USP53: variants seen among roughly 807,000 people sequenced by gnomAD.
USP53 encodes ubiquitin specific peptidase 53.
A neutral mutation model predicts 94.9 loss-of-function variants in USP53; 71 were observed. That is an observed-to-expected ratio of 0.75 (90% CI 0.62 to 0.91). USP53 has a LOEUF of 0.91. Ranked by LOEUF, USP53 falls within the 40% of genes least tolerant of loss-of-function variation. The pLI, the probability that USP53 is intolerant of heterozygous loss-of-function variation, is 0.00. For missense variants in USP53, 1,173 were observed against 1,281.0 expected, an observed-to-expected ratio of 0.92 and a Z score of 1.29; for synonymous variants, 375 against 422.7, an observed-to-expected ratio of 0.89 and a Z score of 1.39.
intron 3 of USP53, among the ~76,000 whole-genome samples, chr4:119,233,347 C>T (rs915386601): frequency 6.6e-6 from 1 of 151,894 alleles, no homozygotes; most frequent in East Asian, 1.9e-4. Context: ...TTTTTTCCTA[C>T]ATCATGTTTG....
intron 2 of USP53, among the ~76,000 whole-genome samples, chr4:119,215,739 T>G (rs1236276838): frequency 6.6e-6 from 1 of 152,200 alleles, no homozygotes; most frequent in East Asian, 1.9e-4. Context: ...TACAAACCAT[T>G]GCATCTGGCT....
At position 119,243,314 on chromosome 4, in the gene USP53, A is replaced by G. The variant is rs769683975; in HGVS notation, c.145-2023A>G. ...GGAGTTTGAGACCAGCTTAGCGAAC[A>G]TGGTGAAACCCCGTCTCTACCAAAA... On this transcript the variant is annotated intron_variant, in intron 5 of 18. Transcript: ENST00000692078. Among the ~76,000 whole-genome samples, 8 of 152,268 alleles carry G rather than the reference A, an allele frequency of 5.3e-5. No homozygotes were observed. The South Asian group carries it at 1.7e-3, about 32-fold the overall frequency.
At chr4:119,258,191 C>T (rs1750017430) in intron 9 of USP53, among the ~76,000 whole-genome samples, 1 of 152,030 alleles carries the variant, frequency 6.6e-6, no homozygotes, top group Non-Finnish European at 1.5e-5. Context: ...AGATTGAAAC[C>T]CAGATCGGTC....
rs1327833614 is a variant in USP53, at chr4:119,273,650, C to A, written c.2193C>A (p.Ser731Arg). Reference protein sequence around the residue: ...TVCFSDQITTSNLNKERGDCT... With the variant: ...TVCFSDQITTRNLNKERGDCT... The stretch of plus-strand genomic sequence containing the variant: ...TTTCTAGTGACCAGATTACGACAAG[C>A]AACCTAAATAAAGAACGTGGGGACT... Residue 731 changes from serine (S) to arginine (R), a missense_variant, in exon 17 of 19, where the codon AGC becomes AGA. Coordinates refer to ENST00000692078, the MANE Select transcript of USP53 (RefSeq NM_001371395.1). 1 of 1,612,522 alleles carries A rather than the reference C, an allele frequency of 6.2e-7. No homozygotes were observed. Among genetic ancestry groups the A allele is most frequent in the Non-Finnish European group, 8.5e-7 (1 of 1,179,276 alleles).
chr4:119,260,869 T>A (rs1214829812), intron 11 of USP53, among the ~76,000 whole-genome samples: 1 of 152,108 alleles, frequency 6.6e-6, no homozygotes, highest in Non-Finnish European at 1.5e-5. Context: ...ATTTTTTATG[T>A]ATGGCCATGA....
rs1755101545 is a variant in USP53, at chr4:119,294,696, T to C, written c.*1485T>C. 6.6e-6 allele frequency: 1 copy of C among 152,156 alleles called. No homozygotes were observed. The highest frequency in any genetic ancestry group is 2.1e-4 in the South Asian group (1 of 4,836). 9.4% of individuals were successfully genotyped at this position (152,156 alleles called of 1,614,324 possible). On this transcript the variant is annotated 3_prime_UTR_variant, in exon 19 of 19. Coordinates refer to ENST00000692078, the MANE Select transcript of USP53 (RefSeq NM_001371395.1). The stretch of plus-strand genomic sequence containing the variant: ...AATGTTGTAACTAATTTAATGTGAA[T>C]ACTGTTAAACAGAAAATAATTGCTT...
chr4:119,259,645 C>G (rs1750233233), intron 9 of USP53, among the ~76,000 whole-genome samples, 175 bp from the exon 10 acceptor site: 1 of 152,012 alleles, frequency 6.6e-6, no homozygotes, highest in African/African-American at 2.4e-5. Context: ...TATATACTTG[C>G]CAAATTTAAT....
chr4:119,289,954 C>T lies in USP53; in HGVS notation c.2252-1211C>T, dbSNP rs542119794. Among the ~76,000 whole-genome samples the T allele has an allele frequency of 3.5e-4, 54 of 152,184 alleles. No individual in the cohort carries two copies. In the South Asian group the frequency reaches 0.011, roughly 32 times the overall value. ...GGGCCTACTTTATCTGTAGTCTGGA[C>T]ATTAATTTAATTTAATTGTATTAAA... On this transcript the variant is annotated intron_variant, in intron 17 of 18. Coordinates refer to ENST00000692078, the MANE Select transcript of USP53 (RefSeq NM_001371395.1).
chr4:119,278,390 G>C (rs1223731857), intron 17 of USP53, among the ~76,000 whole-genome samples: 20 of 148,408 alleles, frequency 1.3e-4, no homozygotes, highest in Non-Finnish European at 2.7e-4. Flanking sequence ...GAAATTCTGG[G>C]TTGAAAATTC....
intron 12 of USP53, among the ~76,000 whole-genome samples, 163 bp from the exon 13 acceptor site, chr4:119,267,157 A>T (rs1751230282): frequency 6.6e-6 from 1 of 152,220 alleles, no homozygotes; most frequent in South Asian, 2.1e-4. Flanking sequence ...TTTTATTTAG[A>T]CTAGTTACTA....
chr4:119,257,819 T>A (rs549627209), intron 9 of USP53, among the ~76,000 whole-genome samples: 16 of 152,346 alleles, frequency 1.1e-4, no homozygotes, highest in East Asian at 7.7e-4. Context: ...GTCATTTTTT[T>A]AAATTTCTAT....
Position 119,273,710 on chromosome 4 carries a change from T to G in USP53, c.2251+2T>G. 6.2e-7 allele frequency: 1 copy of G among 1,607,662 alleles called. No homozygotes were observed. Among genetic ancestry groups the G allele is most frequent in the Non-Finnish European group, 8.5e-7 (1 of 1,176,160 alleles). ...TTCAGAGCCAACATCACTTAGAAGGTAAAAAACTTATTTGAATATAATAGT... is the reference window on the plus strand; with the variant it reads ...TTCAGAGCCAACATCACTTAGAAGGGAAAAAACTTATTTGAATATAATAGT... On this transcript the variant is annotated splice_donor_variant, in intron 17 of 18. Coordinates refer to ENST00000692078, the MANE Select transcript of USP53 (RefSeq NM_001371395.1). LOFTEE classifies it high-confidence loss of function.
intron 7 of USP53, among the ~76,000 whole-genome samples, chr4:119,254,184 C>T (rs1439171132): frequency 6.6e-6 from 1 of 152,138 alleles, no homozygotes; most frequent in Admixed American, 6.5e-5. Flanking sequence ...GTGAATCTGA[C>T]AATTATGTGT....
At chr4:119,288,431 G>A (rs1754351423) in intron 17 of USP53, among the ~76,000 whole-genome samples, 1 of 152,152 alleles carries the variant, frequency 6.6e-6, no homozygotes, top group Non-Finnish European at 1.5e-5. Context: ...GTTGGAAATA[G>A]GAATATTTTA....
At chr4:119,287,023 A>T (rs1490112369) in intron 17 of USP53, among the ~76,000 whole-genome samples, 66 of 152,014 alleles carry the variant, frequency 4.3e-4, no homozygotes, top group Non-Finnish European at 7.4e-5. Context: ...AGTGGGAGGG[A>T]AAGATAAGAT....
chr4:119,260,531 A>G lies in USP53; in HGVS notation c.700A>G (p.Ile234Val). ...CPSNCGQKIKIRRVLMNCPEI... is the reference protein window; with the variant it reads ...CPSNCGQKIKVRRVLMNCPEI... ...GAGTAACTGTGGCCAAAAAATAAAAATTCGCCGTGTTTTAATGAATTGCCC... is the reference window on the plus strand; with the variant it reads ...GAGTAACTGTGGCCAAAAAATAAAAGTTCGCCGTGTTTTAATGAATTGCCC... Residue 234 changes from isoleucine (I) to valine (V), a missense_variant, in exon 11 of 19, where the codon ATT (isoleucine) becomes GTT (valine). Ile to Val is a conservative substitution (Grantham distance 29). Transcript: ENST00000692078. 6.2e-7 allele frequency: 1 copy of G among 1,613,784 alleles called. No individual in the cohort carries two copies.
At chr4:119,259,263 A>G (rs955065090) in intron 9 of USP53, among the ~76,000 whole-genome samples, 25 of 140,350 alleles carry the variant, frequency 1.8e-4, no homozygotes, top group Non-Finnish European at 1.7e-4. Context: ...CCTGGGCGAT[A>G]GAGTGAGACC....
intron 3 of USP53, among the ~76,000 whole-genome samples, chr4:119,228,101 T>G (rs1474923546): frequency 6.6e-6 from 1 of 152,224 alleles, no homozygotes; most frequent in African/African-American, 2.4e-5. Flanking sequence ...ACAGTGTTAG[T>G]AGGTCAGAAG....
At chr4:119,267,892 GC>G (rs1383665399) in intron 13 of USP53, among the ~76,000 whole-genome samples, 1 of 152,172 alleles carries the variant, frequency 6.6e-6, no homozygotes, top group Non-Finnish European at 1.5e-5. Flanking sequence ...TCTGGGCCGG[GC>G]GCGGTGGCTC....
Sources: allele counts gnomAD v4.1 joint callset (sites outside exome capture counted in the v4.1 genomes callset), GRCh38; gene constraint gnomAD v4.1.1; transcripts MANE v1.5; gene names NCBI Gene and HGNC (gene_info 2026-07-23, HGNC 2026-07-21).